YAF2: variants seen among roughly 807,000 people sequenced by gnomAD.
The protein encoded by YAF2 is YY1 associated factor 2.
In YAF2, 7 loss-of-function variants were observed where a neutral mutation model predicts 20.1. That is an observed-to-expected ratio of 0.35 (90% CI 0.20 to 0.65). The LOEUF (loss-of-function observed/expected upper bound fraction) is 0.65. YAF2 is among the 30% of genes least tolerant of loss of function. The pLI, the probability that YAF2 is intolerant of heterozygous loss-of-function variation, is 0.69. For synonymous variants in YAF2, 74 were observed against 76.0 expected (o/e 0.97, Z 0.14); for missense variants, 151 against 219.2 (o/e 0.69, Z 1.96).
chr12:42,229,144 T>C (rs1215124109), intron 2 of YAF2, among the ~76,000 whole-genome samples: 1 of 61,748 alleles, frequency 1.6e-5, no homozygotes, highest in Non-Finnish European at 3.0e-5. Flanking sequence ...ACATGTGCTG[T>C]GTCCACTCAG....
intron 2 of YAF2, among the ~76,000 whole-genome samples, chr12:42,212,957 A>G (rs1037818229): frequency 1.3e-5 from 2 of 152,274 alleles, no homozygotes; most frequent in Non-Finnish European, 2.9e-5. Context: ...GAGTAAGTAC[A>G]TAGCACAAAG....
At chr12:42,189,443 A>T (rs2066557188) in intron 2 of YAF2, among the ~76,000 whole-genome samples, 1 of 152,236 alleles carries the variant, frequency 6.6e-6, no homozygotes, top group Admixed American at 6.5e-5. Context: ...TAAAACACTG[A>T]ATCCATTTTC....
At chr12:42,235,686 A>C in intron 2 of YAF2, 1 of 1,530,472 alleles carries the variant, frequency 6.5e-7, no homozygotes, top group African/African-American at 1.4e-5. Flanking sequence ...CCAAATGACA[A>C]TGCTTCTCTG....
chr12:42,205,710 C>T (rs1356932829), intron 2 of YAF2, among the ~76,000 whole-genome samples: 1 of 152,112 alleles, frequency 6.6e-6, no homozygotes, highest in East Asian at 1.9e-4. Context: ...ATTCTGTTTT[C>T]ATTTTTATTA....
chr12:42,238,104 G>C, intron 1 of YAF2, 51 bp downstream of exon 1: 1 of 1,431,998 alleles, frequency 7.0e-7, no homozygotes, highest in Non-Finnish European at 9.2e-7. Context: ...AGCCCTGCAC[G>C]AGGGCCCTGC....
At chr12:42,193,359 CATAAAA>C (rs2066667023) in intron 2 of YAF2, among the ~76,000 whole-genome samples, 1 of 151,688 alleles carries the variant, frequency 6.6e-6, no homozygotes. Flanking sequence ...ACGTATAGTC[CATAAAA>C]CTTGACAATG....
At chr12:42,225,777 G>A (rs1438455770) in intron 2 of YAF2, among the ~76,000 whole-genome samples, 1 of 152,192 alleles carries the variant, frequency 6.6e-6, no homozygotes, top group Non-Finnish European at 1.5e-5. Flanking sequence ...TTTGGTTACT[G>A]TAGACTTGTG....
At chr12:42,214,045 G>A (rs961890841) in intron 2 of YAF2, among the ~76,000 whole-genome samples, 2 of 152,114 alleles carry the variant, frequency 1.3e-5, no homozygotes, top group African/African-American at 4.8e-5. Flanking sequence ...AAGCCACAGA[G>A]CACTTCCACA....
At chr12:42,214,500 G>A (rs932868679) in intron 2 of YAF2, among the ~76,000 whole-genome samples, 3 of 151,846 alleles carry the variant, frequency 2.0e-5, no homozygotes, top group Non-Finnish European at 2.9e-5. Context: ...TCGAACTCCT[G>A]AGCTAAAGTG....
intron 2 of YAF2, among the ~76,000 whole-genome samples, chr12:42,186,821 A>T (rs1160495898): frequency 6.6e-6 from 1 of 152,230 alleles, no homozygotes; most frequent in East Asian, 1.9e-4. Context: ...AAGCTCATCA[A>T]GGGTCTGAGG....
At chr12:42,215,496 T>C (rs995142301) in intron 2 of YAF2, among the ~76,000 whole-genome samples, 1 of 152,248 alleles carries the variant, frequency 6.6e-6, no homozygotes, top group African/African-American at 2.4e-5. Flanking sequence ...AAATATGTGC[T>C]GTGATTTGCT....
At chr12:42,182,723 A>G (rs1050872039) in intron 2 of YAF2, among the ~76,000 whole-genome samples, 6 of 152,234 alleles carry the variant, frequency 3.9e-5, no homozygotes, top group Admixed American at 3.3e-4. Flanking sequence ...TATTGAATAT[A>G]TTGAATTTTC....
intron 2 of YAF2, chr12:42,232,180 T>C (rs2068002035): frequency 6.5e-6 from 1 of 152,886 alleles, no homozygotes; most frequent in Admixed American, 6.5e-5. Flanking sequence ...TTATTCTTAC[T>C]GCATGCATGT....
chr12:42,231,663 G>A (rs1189332812), intron 2 of YAF2: 1 of 152,160 alleles, frequency 6.6e-6, no homozygotes, highest in African/African-American at 2.4e-5. Flanking sequence ...CCATTTGTTT[G>A]CTGAGTTATG....
chr12:42,201,396 T>C, intron 2 of YAF2, among the ~76,000 whole-genome samples: 1 of 152,242 alleles, frequency 6.6e-6, no homozygotes, highest in East Asian at 1.9e-4. Context: ...TTTCAGTTCA[T>C]TAGCCATTCC....
rs999934985 is a variant in YAF2 at position 42,159,229 on chromosome 12, T to A, written c.*1360A>T. ...TACAGTTTTATTTTTTCTTCAAATG[T>A]TATCATGATGTCTTATGTGATATTT... On this transcript the variant is annotated 3_prime_UTR_variant, in exon 4 of 4. Coordinates refer to ENST00000534854, the MANE Select transcript of YAF2 (RefSeq NM_005748.6). 6.6e-5 allele frequency: 10 copies of A among 152,158 alleles called. No individual in the cohort carries two copies. The highest frequency in any genetic ancestry group is 1.2e-4 in the Non-Finnish European group (8 of 67,984). 9.4% of individuals were successfully genotyped at this position (152,158 alleles called of 1,614,324 possible).
chr12:42,198,783 A>G (rs2066821730), intron 2 of YAF2, among the ~76,000 whole-genome samples: 1 of 152,158 alleles, frequency 6.6e-6, no homozygotes. Context: ...AAAGAAGAAA[A>G]GACATCTGAG....
chr12:42,168,228 G>A (rs977057560), intron 2 of YAF2, among the ~76,000 whole-genome samples: 65 of 149,738 alleles, frequency 4.3e-4, no homozygotes, highest in Non-Finnish European at 8.9e-4. Flanking sequence ...GCCCGGGCTG[G>A]AGTGCAATGG....
intron 2 of YAF2, among the ~76,000 whole-genome samples, chr12:42,215,795 A>C (rs889799456): frequency 6.6e-6 from 1 of 152,076 alleles, no homozygotes; most frequent in African/African-American, 2.4e-5. Flanking sequence ...GCATGATTGC[A>C]CCTGTAGTCC....
Sources: allele counts gnomAD v4.1 joint callset (sites outside exome capture counted in the v4.1 genomes callset), GRCh38; gene constraint gnomAD v4.1.1; transcripts MANE v1.5; gene names NCBI Gene and HGNC (gene_info 2026-07-23, HGNC 2026-07-21).